The following EIF2B5 variants were observed in gnomAD, a reference collection of about 807,000 sequenced individuals.
EIF2B5 encodes the protein translation initiation factor eIF2B subunit epsilon.
Under a neutral mutation model 87.3 loss-of-function variants are expected in EIF2B5, and 38 were observed. The ratio of observed to expected loss-of-function variants is 0.44; its 90% confidence interval spans 0.34 to 0.57. The LOEUF is 0.57. Ranked by LOEUF, EIF2B5 falls within the 20% of genes least tolerant of loss-of-function variation. The probability of loss-of-function intolerance (pLI) is 0.02; values close to 1 mark genes in which losing one functional copy is unlikely to be tolerated. For synonymous variants in EIF2B5, 313 were observed against 339.6 expected (o/e 0.92, Z 0.86); for missense variants, 784 against 909.5 (o/e 0.86, Z 1.78).
chr3:184,138,593 G>T (rs1406164567), intron 5 of EIF2B5, among the ~76,000 whole-genome samples: 3 of 152,016 alleles, frequency 2.0e-5, no homozygotes, highest in Non-Finnish European at 4.4e-5. Flanking sequence ...GGTCTCAAGT[G>T]ATCTACCTGT....
intron 7 of EIF2B5, 69 bp from the exon 8 acceptor site, chr3:184,141,856 C>A (rs1296189708): frequency 1.3e-6 from 2 of 1,597,512 alleles, no homozygotes; most frequent in East Asian, 2.2e-5. Flanking sequence ...TCAGCCCTGT[C>A]CTCTATGAAG....
intron 5 of EIF2B5, among the ~76,000 whole-genome samples, chr3:184,138,625 G>T (rs1157226174): frequency 6.6e-6 from 1 of 151,064 alleles, no homozygotes; most frequent in Non-Finnish European, 1.5e-5. Flanking sequence ...AAAGTGCTGG[G>T]ATTACAGGCA....
In EIF2B5 at chr3:184,135,477, G is replaced by C. The variant is rs767755812; in HGVS notation, c.92G>C (p.Gly31Ala). ...GAGPGGSGGG[G>A]ARGAEEEPPP... The stretch of plus-strand genomic sequence containing the variant: ...GGGCCGGGAGGCAGCGGTGGCGGGG[G>C]AGCCAGAGGGGCGGAGGAGGAACCG... The change falls in exon 1 of 16, where the codon GGA becomes GCA. Residue 31 changes from glycine (G) to alanine (A), a missense_variant. This residue lies in a region of EIF2B5 where 117 missense variants were observed against 101.0 expected (regional missense o/e 1.16). Coordinates refer to ENST00000648915, the MANE Select transcript of EIF2B5 (RefSeq NM_003907.3). 7 of 1,580,108 alleles carry C rather than the reference G, an allele frequency of 4.4e-6. No individual in the cohort carries two copies. Among genetic ancestry groups the C allele is most frequent in the Non-Finnish European group, 6.0e-6 (7 of 1,163,898 alleles).
chr3:184,144,294 A>G, intron 14 of EIF2B5, 70 bp downstream of exon 14: 3 of 1,606,472 alleles, frequency 1.9e-6, no homozygotes, highest in Non-Finnish European at 8.5e-7. Context: ...CCCTTGGGAG[A>G]CATAAAATAG....
In EIF2B5 at chr3:184,143,503, T is replaced by A. The variant is rs1196960014; in HGVS notation, c.1807T>A (p.Phe603Ile). ...GGTACTGAGCCACGTGGTCCTGGAG[T>A]TCCCCCTGCAACAGATGGATTCCCC... is the stretch of plus-strand genomic sequence containing the variant. ...MQVLSHVVLE[F>I]PLQQMDSPLD... The change falls in exon 13 of 16, where the codon TTC (phenylalanine) becomes ATC (isoleucine). Residue 603 changes from phenylalanine (F) to isoleucine (I), a missense_variant. This residue lies in a region of EIF2B5 where 660 missense variants were observed against 789.5 expected (regional missense o/e 0.84). Transcript: ENST00000648915. The A allele has an allele frequency of 5.0e-6, 8 of 1,614,022 alleles. No individual in the cohort carries two copies. In the East Asian group the frequency reaches 6.7e-5, roughly 13 times the overall value.
chr3:184,143,838 T>G (rs1713746981), intron 13 of EIF2B5: 4 of 674,216 alleles, frequency 5.9e-6, no homozygotes, highest in Non-Finnish European at 7.5e-6. Context: ...ATGGCAGCAA[T>G]TTGACCCAAC....
In EIF2B5 at chr3:184,144,898, C is replaced by A; in HGVS notation, c.2121C>A (p.Ile707=). ...CTTCTTTACAGCTGCAGAGGTTCATCCAGTGGCTAAAAGAGGCAGAAGAGG... is the reference window on the plus strand; with the variant it reads ...CTTCTTTACAGCTGCAGAGGTTCATACAGTGGCTAAAAGAGGCAGAAGAGG... ...LRKNQQLQRF[I]QWLKEAEEES... The change falls in exon 16 of 16, where the codon ATC becomes ATA. Residue 707 remains isoleucine, a synonymous_variant. Transcript: ENST00000648915. 6.2e-7 allele frequency: 1 copy of A among 1,613,734 alleles called. No individual in the cohort carries two copies. The highest frequency in any genetic ancestry group is 8.5e-7 in the Non-Finnish European group (1 of 1,180,008).
rs769004874 is a variant in EIF2B5, at chr3:184,140,498, T to C, written c.924T>C (p.Ala308=). The change falls in exon 7 of 16, where the codon GCT becomes GCC. Residue 308 remains alanine, a synonymous_variant. Transcript: ENST00000648915. ...TCTCCAACCTACACATGTACTCAGC[T>C]GTCTGTGCTGACGTCATCCGCCGAT... ...ARVSNLHMYS[A]VCADVIRRWV... 3.8e-5 allele frequency: 61 copies of C among 1,614,152 alleles called. No homozygotes were observed. Among genetic ancestry groups the C allele is most frequent in the Middle Eastern group, 1.6e-4 (1 of 6,062 alleles).
intron 13 of EIF2B5, 88 bp downstream of exon 13, chr3:184,143,653 C>T (rs896869354): frequency 1.5e-5 from 24 of 1,594,750 alleles, no homozygotes; most frequent in Non-Finnish European, 1.8e-5. Context: ...GGGTGTATGT[C>T]ACTTCTGGTT....
At position 184,144,690 on chromosome 3, in the gene EIF2B5, T is replaced by G; in HGVS notation, c.2089T>G (p.Leu697Val). ...AGATACAACTGACAAGGGCCAGCAGTTGCGCAAGAATCAACAGGTGCGTCA... is the reference window on the plus strand; with the variant it reads ...AGATACAACTGACAAGGGCCAGCAGGTGCGCAAGAATCAACAGGTGCGTCA... ...QRDTTDKGQQ[L>V]RKNQQLQRFI... Residue 697 changes from leucine to valine, a missense_variant, in exon 15 of 16, where the codon TTG becomes GTG. Physicochemically the swap from Leu to Val is conservative, Grantham distance 32. Around this residue, in one of 3 missense-constraint regions of EIF2B5, gnomAD observed 660 missense variants for 789.5 expected, o/e 0.84. Coordinates refer to ENST00000648915, the MANE Select transcript of EIF2B5 (RefSeq NM_003907.3). 6.2e-7 allele frequency: 1 copy of G among 1,614,016 alleles called. No individual in the cohort carries two copies. The highest frequency in any genetic ancestry group is 8.5e-7 in the Non-Finnish European group (1 of 1,179,972).
Position 184,142,362 on chromosome 3 carries a change from C to G in EIF2B5, c.1428C>G (p.Asp476Glu), listed in dbSNP as rs74478773. The G allele has an allele frequency of 7.8e-5, 126 of 1,614,096 alleles. No individual in the cohort carries two copies. In the African/African-American group the frequency reaches 1.5e-3, roughly 19 times the overall value. Residue 476 changes from aspartate (D) to glutamate (E), a missense_variant, in exon 9 of 16, where the codon GAC (aspartate) becomes GAG (glutamate). Physicochemically the swap from Asp to Glu is conservative, Grantham distance 45. Transcript: ENST00000648915. This position sits in a 1 kb window ranked among gnomAD's most constrained non-coding sequence, Gnocchi z 5.0. ...SDDSGADQEK[D>E]KVKMKGYNPA... is the part of the protein sequence containing the mutation. ...ATTCTGGGGCTGACCAAGAAAAGGA[C>G]AAAGTGAAGATGAAAGGTGTGAGAC... is the stretch of plus-strand genomic sequence containing the variant.
intron 2 of EIF2B5, chr3:184,137,374 G>A: frequency 1.8e-6 from 1 of 561,884 alleles, no homozygotes; most frequent in Non-Finnish European, 3.2e-6. Context: ...TGATGTTTAG[G>A]GACAAGGGGT....
In EIF2B5 at chr3:184,145,305, T is replaced by A; in HGVS notation, c.*362T>A. ...TATATGTTAATATTAAAAGAGAGAG[T>A]GGTGTATTTGGTTTGTCTCCATCCC... On this transcript the variant is annotated 3_prime_UTR_variant, in exon 16 of 16. Coordinates refer to ENST00000648915, the MANE Select transcript of EIF2B5 (RefSeq NM_003907.3). The surrounding 1 kb of genome is among the most constrained non-coding windows in gnomAD (Gnocchi z 4.0). 3.0e-6 allele frequency: 1 copy of A among 328,462 alleles called. No individual in the cohort carries two copies. 20.3% of individuals were successfully genotyped at this position (328,462 alleles called of 1,614,324 possible). A position where few individuals can be genotyped will look rare whatever the true frequency, so the allele number is the denominator to read the frequency against.
Position 184,142,960 on chromosome 3 carries a change from C to A in EIF2B5, c.1654+74C>A. 6.4e-7 allele frequency: 1 copy of A among 1,573,528 alleles called. No homozygotes were observed. Among genetic ancestry groups the A allele is most frequent in the Non-Finnish European group, 8.7e-7 (1 of 1,150,862 alleles). On this transcript the variant is annotated intron_variant, in intron 11 of 15. Transcript: ENST00000648915. The surrounding 1 kb of genome is among the most constrained non-coding windows in gnomAD (Gnocchi z 5.0). ...ATCAACTAGCCAGAGGCTTACGTTC[C>A]TCAGAAAGGGTTTGGTATCGAGTCA...
intron 7 of EIF2B5, 71 bp downstream of exon 7, chr3:184,140,801 C>T (rs1713599933): frequency 1.3e-6 from 2 of 1,544,036 alleles, no homozygotes; most frequent in Non-Finnish European, 1.8e-6. Flanking sequence ...TCTCCAGAAA[C>T]ACAAGGGATG....
chr3:184,143,420 T>C, intron 12 of EIF2B5, 22 bp from the exon 13 acceptor site: 1 of 1,614,172 alleles, frequency 6.2e-7, no homozygotes, highest in Non-Finnish European at 8.5e-7. Flanking sequence ...AAGGCCCTGG[T>C]GTCACCCCAG....
chr3:184,144,756 G>A lies in EIF2B5; in HGVS notation c.2106+49G>A, dbSNP rs760003422. ...GCCAAGATGGTTATCTCATTCCCAG[G>A]TCCTGGCCCCTAGACTCTAGGGTGG... On this transcript the variant is annotated intron_variant, in intron 15 of 15. Transcript: ENST00000648915. The A allele has an allele frequency of 5.0e-6, 8 of 1,593,260 alleles. 1 individual carries two copies. In the South Asian group the frequency reaches 9.0e-5, roughly 18 times the overall value.
At chr3:184,140,896 A>G (rs1713606002) in intron 7 of EIF2B5, 166 bp downstream of exon 7, 1 of 768,232 alleles carries the variant, frequency 1.3e-6, no homozygotes, top group Admixed American at 2.3e-5. Flanking sequence ...GAAAACAGCG[A>G]TACCTTAATT....
chr3:184,135,684 G>C, intron 1 of EIF2B5, 104 bp downstream of exon 1: 1 of 1,434,990 alleles, frequency 7.0e-7, no homozygotes. Context: ...AAGGACCTGC[G>C]TCTATGCTGT....
Sources: gnomAD v4.1 joint callset for allele counts (sites outside exome capture counted in the v4.1 genomes callset) on GRCh38, gnomAD v4.1.1 for gene constraint, gnomAD v4.1.1 regional missense constraint, Gnocchi (gnomAD v3.1) non-coding constraint, MANE v1.5 for transcripts, NCBI Gene and HGNC (gene_info 2026-07-23, HGNC 2026-07-21) for gene names.